Variants in IKBIP observed in about 807,000 individuals in gnomAD.
The protein encoded by IKBIP is inhibitor of nuclear factor kappa-B kinase-interacting protein.
In IKBIP, 28 loss-of-function variants were observed where a neutral mutation model predicts 31.0. The ratio of observed to expected loss-of-function variants is 0.90; its 90% CI spans 0.67 to 1.24. The LOEUF is 1.24. IKBIP is among the 50% of genes most tolerant of loss of function. The pLI is 0.00. For synonymous variants in IKBIP, 164 were observed against 160.3 expected, an observed-to-expected ratio of 1.02 and a Z score of -0.17; for missense variants, 453 against 441.9, an observed-to-expected ratio of 1.03 and a Z score of -0.23.
chr12:98,623,033 G>A (rs1309777662), downstream of IKBIP, among the ~76,000 whole-genome samples: 1 of 150,468 alleles, frequency 6.6e-6, no homozygotes, highest in Non-Finnish European at 1.5e-5. Flanking sequence ...AGGCTGTAGT[G>A]CAATGGCGTG....
At position 98,644,788 on chromosome 12, in the gene IKBIP, T is replaced by G. The variant is rs749924784; in HGVS notation, c.-87A>C. 7.5e-4 allele frequency: 1,097 copies of G among 1,454,356 alleles called. 11 individuals are homozygous for G. The highest frequency in any genetic ancestry group is 9.2e-4 in the Admixed American group (40 of 43,676). 90.1% of individuals were successfully genotyped at this position (1,454,356 alleles called of 1,614,324 possible). A position where few individuals can be genotyped will look rare whatever the true frequency, so the allele number is the denominator to read the frequency against. ...GCCGCCTTGGCGTTCGTGGGAACCC[T>G]GGGCGGTGACCGCGCCCCCTCACAG... On this transcript the variant is annotated 5_prime_UTR_variant, in exon 1 of 3. Coordinates refer to ENST00000299157, the MANE Select transcript of IKBIP (RefSeq NM_153687.4).
At chr12:98,624,195 T>A (rs1199544747), downstream of IKBIP, 2 of 773,670 alleles carry the variant, frequency 2.6e-6, no homozygotes, top group Non-Finnish European at 3.1e-6. Context: ...GGATATAAGA[T>A]AAGAGATCAC....
In IKBIP at chr12:98,624,675, A is replaced by G; in HGVS notation, c.*1255T>C. 2 of 885,858 alleles carry G rather than the reference A, an allele frequency of 2.3e-6. No individual in the cohort carries two copies. Among genetic ancestry groups the G allele is most frequent in the South Asian group, 1.0e-4 (2 of 19,104 alleles). 54.9% of individuals were successfully genotyped at this position (885,858 alleles called of 1,614,324 possible). ...TTCAAATAAAATAAAATCAATTCATAAAACAAATTTAGTGGTGTGGTTTGG... is the reference window on the plus strand; with the variant it reads ...TTCAAATAAAATAAAATCAATTCATGAAACAAATTTAGTGGTGTGGTTTGG... On this transcript the variant is annotated 3_prime_UTR_variant, in exon 3 of 3. Transcript: ENST00000299157.
At chr12:98,632,513 A>ATATATATATATATATATGTG (rs1491294369) in intron 2 of IKBIP, among the ~76,000 whole-genome samples, 6 of 13,664 alleles carry the variant, frequency 4.4e-4, no homozygotes, top group African/African-American at 1.7e-3. Context: ...AAAAAAAAAA[A>ATATATATATATATATATGTG]TATATATATA....
chr12:98,643,728 A>C (rs2097633582), intron 1 of IKBIP, among the ~76,000 whole-genome samples: 1 of 152,172 alleles, frequency 6.6e-6, no homozygotes, highest in East Asian at 1.9e-4. Flanking sequence ...TTAAATTCAT[A>C]ATGCATGCAC....
At chr12:98,635,349 C>T (rs995982780) in intron 1 of IKBIP, among the ~76,000 whole-genome samples, 1 of 152,146 alleles carries the variant, frequency 6.6e-6, no homozygotes, top group African/African-American at 2.4e-5. Context: ...CTCCCCTCAG[C>T]CTCCCAAAGC....
intron 2 of IKBIP, among the ~76,000 whole-genome samples, chr12:98,628,914 C>T (rs112700040): frequency 6.6e-6 from 1 of 152,026 alleles, no homozygotes; most frequent in Non-Finnish European, 1.5e-5. Context: ...TTATAAGTAG[C>T]GTCACAAAAG....
intron 1 of IKBIP, among the ~76,000 whole-genome samples, chr12:98,637,826 G>A (rs930094860): frequency 1.1e-4 from 17 of 152,230 alleles, no homozygotes; most frequent in African/African-American, 3.9e-4. Context: ...TTACAGGCGT[G>A]AGCCACCGCA....
intron 2 of IKBIP, among the ~76,000 whole-genome samples, chr12:98,633,510 CTTTTT>C (rs71432181): frequency 1.6e-5 from 1 of 61,372 alleles, no homozygotes; most frequent in African/African-American, 6.8e-5. Context: ...TTTTTTAATT[CTTTTT>C]TTTTTTTTTT....
At chr12:98,623,066 G>C (rs967913520), downstream of IKBIP, among the ~76,000 whole-genome samples, 2 of 150,400 alleles carry the variant, frequency 1.3e-5, no homozygotes, top group Non-Finnish European at 2.9e-5. Context: ...TGCAACCTCT[G>C]CCTCCCGGTT....
intron 1 of IKBIP, among the ~76,000 whole-genome samples, chr12:98,635,251 G>A (rs1001441634): frequency 1.3e-5 from 2 of 151,916 alleles, no homozygotes; most frequent in Non-Finnish European, 2.9e-5. Context: ...TGATCTGCCC[G>A]CCTTGGCCTC....
In IKBIP at chr12:98,626,652, C is replaced by A. The variant is rs1447485758; in HGVS notation, c.412G>T (p.Glu138Ter). 1 of 1,613,996 alleles carries A rather than the reference C, an allele frequency of 6.2e-7. No homozygotes were observed. Residue 138 changes from glutamate to a stop codon, truncating the protein, a stop_gained, in exon 3 of 3, where the codon GAA becomes TAA. Coordinates refer to ENST00000299157, the MANE Select transcript of IKBIP (RefSeq NM_153687.4). LOFTEE classifies it high-confidence loss of function. ...TGCATCCTTTGAGTGAGCACCTCTTCATTATTTTGAATGTCATGCATGATA... is the reference window on the plus strand; with the variant it reads ...TGCATCCTTTGAGTGAGCACCTCTTAATTATTTTGAATGTCATGCATGATA... ...QDIMHDIQNN[E>*]EVLTQRMQSL...
At chr12:98,631,118 G>A (rs2097619788) in intron 2 of IKBIP, among the ~76,000 whole-genome samples, 1 of 151,798 alleles carries the variant, frequency 6.6e-6, no homozygotes, top group Non-Finnish European at 1.5e-5. Context: ...ACTTTTAGTA[G>A]AGATGGGGTT....
intron 2 of IKBIP, among the ~76,000 whole-genome samples, chr12:98,618,112 T>G (rs909172873): frequency 6.6e-6 from 1 of 152,120 alleles, no homozygotes; most frequent in Non-Finnish European, 1.5e-5. Flanking sequence ...GACGCTGTAG[T>G]GTGCTATGAT....
intron 2 of IKBIP, among the ~76,000 whole-genome samples, chr12:98,630,376 CAAAAAAAAAAAAAAAAAAAAAAAAA>C (rs61623957): frequency 1.7e-4 from 7 of 41,300 alleles, no homozygotes; most frequent in African/African-American, 7.3e-4. Flanking sequence ...AGAGCCTGGG[CAAAAAAAAAAAAAAAAAAAAAAAAA>C]AAAAAAAAAA....
At chr12:98,640,172 C>T (rs1274820970) in intron 1 of IKBIP, among the ~76,000 whole-genome samples, 1 of 152,210 alleles carries the variant, frequency 6.6e-6, no homozygotes, top group East Asian at 1.9e-4. Context: ...CACGGTGGCT[C>T]ACGCCTGTAA....
chr12:98,632,525 A>ATATATATG (rs1555211601), intron 2 of IKBIP, among the ~76,000 whole-genome samples: 2 of 70,948 alleles, frequency 2.8e-5, no homozygotes, highest in African/African-American at 1.0e-4. Context: ...ATATATATAT[A>ATATATATG]TATATATATA....
In IKBIP at chr12:98,624,465, G is replaced by A. The variant is rs2097612448; in HGVS notation, c.*1465C>T. 1.0e-6 allele frequency: 1 copy of A among 984,980 alleles called. No individual in the cohort carries two copies. Among genetic ancestry groups the A allele is most frequent in the Non-Finnish European group, 1.2e-6 (1 of 829,730 alleles). 61.0% of individuals were successfully genotyped at this position (984,980 alleles called of 1,614,324 possible). A position where few individuals can be genotyped will look rare whatever the true frequency, so the allele number is the denominator to read the frequency against. Reference sequence around the variant, plus strand: ...CTAACTCCAGTGGAGAAGGAGTTTGGGGGTTCTCCAAAAACTTGCAAATTT... The same window carrying A: ...CTAACTCCAGTGGAGAAGGAGTTTGAGGGTTCTCCAAAAACTTGCAAATTT... On this transcript the variant is annotated 3_prime_UTR_variant, in exon 3 of 3. Coordinates refer to ENST00000299157, the MANE Select transcript of IKBIP (RefSeq NM_153687.4).
chr12:98,622,228 A>G (rs1349762357), downstream of IKBIP, among the ~76,000 whole-genome samples: 2 of 151,888 alleles, frequency 1.3e-5, no homozygotes, highest in Admixed American at 1.3e-4. Flanking sequence ...GATTTGTATT[A>G]AATTAATAGT....
Sources: gnomAD v4.1 joint callset for allele counts (sites outside exome capture counted in the v4.1 genomes callset) on GRCh38, gnomAD v4.1.1 for gene constraint, MANE v1.5 for transcripts, NCBI Gene and HGNC (gene_info 2026-07-23, HGNC 2026-07-21) for gene names.